The following MICAL2 variants were observed in gnomAD, a reference collection of about 807,000 sequenced individuals.
MICAL2 encodes [F-actin]-monooxygenase MICAL2.
A neutral mutation model predicts 127.3 loss-of-function variants in MICAL2; 77 were observed. That is an observed-to-expected ratio of 0.60 (90% CI 0.50 to 0.73). The LOEUF (loss-of-function observed/expected upper bound fraction) is 0.73, where lower values mean the gene tolerates loss of function less well. MICAL2 is among the 30% of genes least tolerant of loss of function. The pLI is 0.00. For synonymous variants in MICAL2, 570 were observed against 551.1 expected (o/e 1.03, Z -0.48); for missense variants, 1,351 against 1,434.4 (o/e 0.94, Z 0.94).
intron 2 of MICAL2, among the ~76,000 whole-genome samples, chr11:12,284,940 G>A (rs1472090606): frequency 6.6e-6 from 1 of 152,134 alleles, no homozygotes; most frequent in African/African-American, 2.4e-5. Flanking sequence ...TGCCTAGACT[G>A]AGCTGATTTC....
At chr11:12,301,070 C>T (rs1206831504) in intron 29 of MICAL2, among the ~76,000 whole-genome samples, 1 of 152,168 alleles carries the variant, frequency 6.6e-6, no homozygotes, top group Non-Finnish European at 1.5e-5. Context: ...GCACTTCTTA[C>T]ATGGCAGTGG....
chr11:12,137,873 C>A (rs914760657), intron 1 of MICAL2, among the ~76,000 whole-genome samples: 1 of 152,090 alleles, frequency 6.6e-6, no homozygotes, highest in African/African-American at 2.4e-5. Context: ...TAATGTGGGT[C>A]GTCACTGGAA....
chr11:12,173,363 T>A (rs892697527), intron 3 of MICAL2, among the ~76,000 whole-genome samples: 8 of 152,322 alleles, frequency 5.3e-5, no homozygotes, highest in African/African-American at 1.9e-4. Context: ...TTTTTTAAGT[T>A]CAAATCTACA....
rs752297155 is a variant in MICAL2, at chr11:12,256,919, C to G, written c.3090C>G (p.Ser1030Arg). 1.2e-6 allele frequency: 2 copies of G among 1,614,178 alleles called. No homozygotes were observed. Among genetic ancestry groups the G allele is most frequent in the South Asian group, 1.1e-5 (1 of 91,078 alleles). ...HFFHRECFRCSICATTLRLAA... is the reference protein window; with the variant it reads ...HFFHRECFRCRICATTLRLAA... ...TCCACCGGGAGTGTTTCCGCTGCAG[C>G]ATCTGTGCCACCACCTTGCGCCTGG... The change falls in exon 24 of 28, where the codon AGC (serine) becomes AGG (arginine). Residue 1030 changes from serine to arginine, a missense_variant. Physicochemically the swap from Ser to Arg is moderately radical, Grantham distance 110. Around this residue, in one of 2 missense-constraint regions of MICAL2, gnomAD observed 752 missense variants for 719.4 expected, o/e 1.05. Transcript: ENST00000683283.
chr11:12,255,420 G>T (rs564596874), intron 22 of MICAL2: 2 of 548,772 alleles, frequency 3.6e-6, no homozygotes, highest in Non-Finnish European at 6.6e-6. Flanking sequence ...GAATCCTAGA[G>T]TACTTGTGTT....
chr11:12,316,958 G>C (rs1395159245), intron 29 of MICAL2, among the ~76,000 whole-genome samples: 2 of 152,008 alleles, frequency 1.3e-5, no homozygotes, highest in Middle Eastern at 3.2e-3. Flanking sequence ...TTCTACCCTG[G>C]CTAGGTAGAA....
intron 15 of MICAL2, among the ~76,000 whole-genome samples, chr11:12,229,524 C>G (rs189948300): frequency 1.3e-5 from 2 of 152,222 alleles, no homozygotes; most frequent in Non-Finnish European, 2.9e-5. Context: ...GGAAGCTCTC[C>G]GAGACAGACA....
At chr11:12,126,174 C>T (rs150010314) in intron 1 of MICAL2, among the ~76,000 whole-genome samples, 94 of 152,330 alleles carry the variant, frequency 6.2e-4, no homozygotes, top group African/African-American at 2.2e-3. Context: ...ACTGTAATCT[C>T]GGTTTAGTGA....
At chr11:12,302,194 A>G (rs1173927027) in intron 29 of MICAL2, among the ~76,000 whole-genome samples, 2 of 152,196 alleles carry the variant, frequency 1.3e-5, no homozygotes. Context: ...TTCTTTTCAT[A>G]GGCCAAGGTG....
At chr11:12,122,131 C>A (rs946308456) in intron 1 of MICAL2, among the ~76,000 whole-genome samples, 1 of 152,206 alleles carries the variant, frequency 6.6e-6, no homozygotes, top group Non-Finnish European at 1.5e-5. Flanking sequence ...AAACACTGGA[C>A]AAGCCACACA....
In MICAL2 at chr11:12,255,737, C is replaced by T; in HGVS notation, c.2942C>T (p.Thr981Ile). Reference sequence around the variant, plus strand: ...GATCACAGACCTAAGGCCCAGGCCACCTCTCCAGACCTGGTAAGGACATGC... The same window carrying T: ...GATCACAGACCTAAGGCCCAGGCCATCTCTCCAGACCTGGTAAGGACATGC... Reference protein sequence around the residue: ...MNDHRPKAQATSPDLESMRKS... With the variant: ...MNDHRPKAQAISPDLESMRKS... The change falls in exon 23 of 28, where the codon ACC (threonine) becomes ATC (isoleucine). Residue 981 changes from threonine (T) to isoleucine (I), a missense_variant. Physicochemically the swap from Thr to Ile is moderately conservative, Grantham distance 89. This residue lies in a region of MICAL2 where 752 missense variants were observed against 719.4 expected (regional missense o/e 1.05). Transcript: ENST00000683283. 2 of 1,613,096 alleles carry T rather than the reference C, an allele frequency of 1.2e-6. No homozygotes were observed. Among genetic ancestry groups the T allele is most frequent in the Non-Finnish European group, 1.7e-6 (2 of 1,179,454 alleles).
chr11:12,297,757 T>C (rs1205921428), intron 29 of MICAL2, among the ~76,000 whole-genome samples: 1 of 151,984 alleles, frequency 6.6e-6, no homozygotes, highest in Non-Finnish European at 1.5e-5. Flanking sequence ...TCCTAAAAAA[T>C]CAGTGAATAA....
intron 14 of MICAL2, 28 bp downstream of exon 14, chr11:12,226,398 A>G: frequency 6.2e-7 from 1 of 1,605,536 alleles, no homozygotes; most frequent in Non-Finnish European, 8.5e-7. Flanking sequence ...GGTTTTGCTT[A>G]GCCCCTTGAG....
At chr11:12,358,603 T>A, downstream of MICAL2, 3 of 928,030 alleles carry the variant, frequency 3.2e-6, no homozygotes, top group Non-Finnish European at 4.7e-6. Context: ...CTTACTGCAT[T>A]TTTTAAAATT....
intron 2 of MICAL2, among the ~76,000 whole-genome samples, chr11:12,156,569 G>T (rs1854204756): frequency 6.6e-6 from 1 of 152,156 alleles, no homozygotes; most frequent in Admixed American, 6.5e-5. Flanking sequence ...AGACAAAGTG[G>T]CCCTCTCAGT....
chr11:12,230,170 CTTG>C (rs952268794), intron 15 of MICAL2, among the ~76,000 whole-genome samples: 11 of 152,186 alleles, frequency 7.2e-5, no homozygotes, highest in African/African-American at 2.4e-4. Context: ...TACCAGATAC[CTTG>C]TTGTATCTGA....
intron 29 of MICAL2, among the ~76,000 whole-genome samples, chr11:12,309,460 CT>C (rs1864148001): frequency 6.6e-6 from 1 of 152,134 alleles, no homozygotes; most frequent in Admixed American, 6.5e-5. Flanking sequence ...GTTTATTTCA[CT>C]TAACATAATG....
intron 23 of MICAL2, chr11:12,256,194 T>C (rs1451226079): frequency 6.1e-6 from 1 of 164,232 alleles, no homozygotes; most frequent in Non-Finnish European, 1.3e-5. Context: ...GGAATTTTAG[T>C]TGACCATTCT....
chr11:12,303,484 T>A (rs531471886), intron 29 of MICAL2: 34 of 152,366 alleles, frequency 2.2e-4, no homozygotes, highest in African/African-American at 8.2e-4. Flanking sequence ...TAGGGTTACA[T>A]TTCACTTTAA....
Sources: gnomAD v4.1 joint callset for allele counts (sites outside exome capture counted in the v4.1 genomes callset) on GRCh38, gnomAD v4.1.1 for gene constraint, gnomAD v4.1.1 regional missense constraint, MANE v1.5 for transcripts, NCBI Gene and HGNC (gene_info 2026-07-23, HGNC 2026-07-21) for gene names.